The following ST6GALNAC3 variants were observed in gnomAD, a reference collection of about 807,000 sequenced individuals.
ST6GALNAC3 encodes ST6 N-acetylgalactosaminide alpha-2,6-sialyltransferase 3, also known as alpha-N-acetylgalactosaminide alpha-2,6-sialyltransferase 3.
Under a neutral mutation model 32.7 loss-of-function variants are expected in ST6GALNAC3, and 25 were observed. The ratio of observed to expected loss-of-function variants is 0.76; its 90% CI spans 0.56 to 1.07. The LOEUF (loss-of-function observed/expected upper bound fraction) is 1.07. Among genes scored for constraint, ST6GALNAC3 ranks in the 50% least tolerant of loss-of-function variants. The probability of loss-of-function intolerance (pLI) is 0.00; values close to 1 mark genes in which losing one functional copy is unlikely to be tolerated. For synonymous variants in ST6GALNAC3, 129 were observed against 133.1 expected, an observed-to-expected ratio of 0.97 and a Z score of 0.21; for missense variants, 355 against 382.4, an observed-to-expected ratio of 0.93 and a Z score of 0.60.
At chr1:76,204,262 T>A (rs541675) in intron 1 of ST6GALNAC3, among the ~76,000 whole-genome samples, 3 of 152,130 alleles carry the variant, frequency 2.0e-5, no homozygotes, top group Non-Finnish European at 4.4e-5. Context: ...TATATATATA[T>A]CACACTTTCT....
chr1:76,161,510 T>G (rs1490228354), intron 1 of ST6GALNAC3, among the ~76,000 whole-genome samples: 2 of 152,162 alleles, frequency 1.3e-5, no homozygotes, highest in African/African-American at 4.8e-5. Flanking sequence ...ATAGGTGCTG[T>G]GGGTCTTCAT....
At chr1:76,428,870 A>G (rs1428298050) in intron 3 of ST6GALNAC3, among the ~76,000 whole-genome samples, 1 of 152,140 alleles carries the variant, frequency 6.6e-6, no homozygotes, top group Non-Finnish European at 1.5e-5. Context: ...TTTGCCAGAA[A>G]TTGTATATGC....
At position 76,077,931 on chromosome 1, in the gene ST6GALNAC3, T is replaced by A. The variant is rs1355519448; in HGVS notation, c.18+3047T>A. On this transcript the variant is annotated intron_variant, in intron 1 of 4. Transcript: ENST00000328299. ...ACCCCATTCTCAAATGGCTTATGGT[T>A]TAGTAAGGATGATAGAAAAGTAAAT... is the stretch of plus-strand genomic sequence containing the variant. Among the ~76,000 whole-genome samples, 4 of 152,154 alleles carry A rather than the reference T, an allele frequency of 2.6e-5. No homozygotes were observed. In the East Asian group the frequency reaches 7.7e-4, roughly 29 times the overall value.
chr1:76,416,034 AACACACACACACACAC>A (rs60710007), intron 3 of ST6GALNAC3, among the ~76,000 whole-genome samples: 20 of 144,422 alleles, frequency 1.4e-4, no homozygotes, highest in South Asian at 4.6e-4. Context: ...TTTATTCCAC[AACACACACACACACAC>A]ACACACACAC....
chr1:76,240,186 T>TAC (rs1218367252), intron 1 of ST6GALNAC3, among the ~76,000 whole-genome samples: 1 of 152,244 alleles, frequency 6.6e-6, no homozygotes, highest in African/African-American at 2.4e-5. Context: ...ATGGCATATA[T>TAC]ACATATATTC....
intron 3 of ST6GALNAC3, among the ~76,000 whole-genome samples, chr1:76,627,136 G>A (rs540194437): frequency 4.9e-4 from 75 of 151,924 alleles, no homozygotes; most frequent in African/African-American, 1.7e-3. Context: ...GTGTCTTATG[G>A]AAAATTAAAT....
chr1:76,348,408 C>T (rs574897719), intron 2 of ST6GALNAC3, among the ~76,000 whole-genome samples: 21 of 152,238 alleles, frequency 1.4e-4, no homozygotes, highest in African/African-American at 4.6e-4. Context: ...GGCAGCTGAG[C>T]AGAGGTTGGC....
chr1:76,124,304 G>C (rs963008313), intron 1 of ST6GALNAC3, among the ~76,000 whole-genome samples: 2 of 152,142 alleles, frequency 1.3e-5, no homozygotes, highest in Middle Eastern at 3.4e-3. Flanking sequence ...TAGCATCCCC[G>C]TGATGAACAA....
chr1:76,193,597 G>A (rs545099117), intron 1 of ST6GALNAC3, among the ~76,000 whole-genome samples: 15 of 152,240 alleles, frequency 9.9e-5, no homozygotes, highest in South Asian at 2.1e-4. Flanking sequence ...TTTGTGGAAT[G>A]AATAATAATA....
chr1:76,310,641 A>G (rs1299412528), intron 1 of ST6GALNAC3, among the ~76,000 whole-genome samples: 1 of 152,194 alleles, frequency 6.6e-6, no homozygotes, highest in East Asian at 1.9e-4. Flanking sequence ...TGACTTCCCT[A>G]GGAGAGTCTG....
At chr1:76,200,037 T>C (rs1292154978) in intron 1 of ST6GALNAC3, among the ~76,000 whole-genome samples, 1 of 152,198 alleles carries the variant, frequency 6.6e-6, no homozygotes, top group Non-Finnish European at 1.5e-5. Context: ...TTGTAGTGGG[T>C]TATCTCCTGA....
intron 1 of ST6GALNAC3, among the ~76,000 whole-genome samples, chr1:76,303,325 A>G (rs1468934878): frequency 1.3e-5 from 2 of 151,916 alleles, no homozygotes. Flanking sequence ...CACCTAGAAA[A>G]AGTGGGGTTT....
At chr1:76,534,668 A>C (rs1369087610) in intron 3 of ST6GALNAC3, among the ~76,000 whole-genome samples, 2 of 152,136 alleles carry the variant, frequency 1.3e-5, no homozygotes, top group Admixed American at 1.3e-4. Flanking sequence ...TCTGTGCATA[A>C]TTGATATTCA....
At chr1:76,625,837 A>T (rs573865021) in intron 3 of ST6GALNAC3, among the ~76,000 whole-genome samples, 119 of 151,940 alleles carry the variant, frequency 7.8e-4, no homozygotes, top group Admixed American at 2.4e-3. Context: ...ACTCACTGTG[A>T]TCTAGTTTCT....
intron 1 of ST6GALNAC3, among the ~76,000 whole-genome samples, chr1:76,263,771 T>C (rs1000605853): frequency 6.6e-6 from 1 of 152,222 alleles, no homozygotes; most frequent in Non-Finnish European, 1.5e-5. Flanking sequence ...TCTGTGAATT[T>C]GTTAGAATCA....
intron 3 of ST6GALNAC3, among the ~76,000 whole-genome samples, chr1:76,419,107 C>A (rs1448047110): frequency 6.6e-6 from 1 of 151,692 alleles, no homozygotes; most frequent in Non-Finnish European, 1.5e-5. Context: ...ATGTATTTGA[C>A]AAGACAATTT....
At position 76,266,615 on chromosome 1, in the gene ST6GALNAC3, T is replaced by C. The variant is rs950013020; in HGVS notation, c.19-47190T>C. 8.5e-5 allele frequency among the ~76,000 whole-genome samples: 13 copies of C among 152,186 alleles called. 2 individuals are homozygous for C. Among genetic ancestry groups the C allele is most frequent in the Admixed American group, 8.5e-4 (13 of 15,280 alleles). On this transcript the variant is annotated intron_variant, in intron 1 of 4. Coordinates refer to ENST00000328299, the MANE Select transcript of ST6GALNAC3 (RefSeq NM_152996.4). ...CTAGGGATAAAAGAGCAACAGTTGC[T>C]CTTAGGATCTTGTCTAACAATTGGC...
chr1:76,531,610 A>C (rs1663262164), intron 3 of ST6GALNAC3, among the ~76,000 whole-genome samples: 1 of 152,086 alleles, frequency 6.6e-6, no homozygotes, highest in Non-Finnish European at 1.5e-5. Flanking sequence ...TTTCCCCCTC[A>C]TTGACTGTAA....
chr1:76,166,231 A>G (rs950052725), intron 1 of ST6GALNAC3, among the ~76,000 whole-genome samples: 8 of 152,122 alleles, frequency 5.3e-5, no homozygotes, highest in African/African-American at 1.9e-4. Flanking sequence ...GTGGCTAGCC[A>G]ATTATCCCAG....
Sources: allele counts gnomAD v4.1 joint callset (sites outside exome capture counted in the v4.1 genomes callset), GRCh38; gene constraint gnomAD v4.1.1; transcripts MANE v1.5; gene names NCBI Gene and HGNC (gene_info 2026-07-23, HGNC 2026-07-21).